Variants in NRG3 observed in about 807,000 individuals in gnomAD.
The protein encoded by NRG3 is neuregulin 3.
Under a neutral mutation model 66.9 loss-of-function variants are expected in NRG3, and 31 were observed. The observed-to-expected ratio is 0.46, with a 90% CI of 0.35 to 0.63. The LOEUF (loss-of-function observed/expected upper bound fraction) is 0.63. Ranked by LOEUF, NRG3 falls within the 20% of genes least tolerant of loss-of-function variation. The pLI is 0.00. For missense variants in NRG3, 910 were observed against 878.9 expected (o/e 1.04, Z -0.45); for synonymous variants, 393 against 359.4 (o/e 1.09, Z -1.06).
chr10:82,521,635 G>A (rs146847273), intron 2 of NRG3, among the ~76,000 whole-genome samples: 1,563 of 152,144 alleles, frequency 0.01, 29 homozygotes, highest in African/African-American at 0.035. Flanking sequence ...CACCGTGCCC[G>A]GCCAGACTGT....
chr10:82,299,091 A>G (rs559872008), intron 1 of NRG3, among the ~76,000 whole-genome samples: 4 of 152,252 alleles, frequency 2.6e-5, no homozygotes, highest in East Asian at 3.9e-4. Context: ...CACCCCACCC[A>G]CCATGGAGAT....
chr10:82,668,465 C>A (rs1482618566), intron 2 of NRG3, among the ~76,000 whole-genome samples: 1 of 152,146 alleles, frequency 6.6e-6, no homozygotes. Flanking sequence ...CCTGCATATT[C>A]CCCTATGAGT....
intron 2 of NRG3, among the ~76,000 whole-genome samples, chr10:82,466,374 C>T (rs1840678093): frequency 2.6e-5 from 4 of 152,136 alleles, no homozygotes; most frequent in African/African-American, 7.2e-5. Flanking sequence ...AATGCCCTAA[C>T]CCCCTTCTTT....
chr10:82,433,095 T>TCCTATTTC (rs1421121043), intron 2 of NRG3, among the ~76,000 whole-genome samples: 1 of 152,192 alleles, frequency 6.6e-6, no homozygotes, highest in Admixed American at 6.5e-5. Flanking sequence ...GTAAAAGCGT[T>TCCTATTTC]CCTATTTCCT....
chr10:82,467,603 GC>G (rs1840811559), intron 2 of NRG3, among the ~76,000 whole-genome samples: 1 of 152,166 alleles, frequency 6.6e-6, no homozygotes, highest in Non-Finnish European at 1.5e-5. Flanking sequence ...ACACCAAGGG[GC>G]CCCAGGACCC....
At chr10:81,944,948 C>T (rs376018804) in intron 1 of NRG3, among the ~76,000 whole-genome samples, 131 of 152,214 alleles carry the variant, frequency 8.6e-4, no homozygotes, top group African/African-American at 2.8e-3. Flanking sequence ...CCACCACTTC[C>T]CAGCACCAAC....
At chr10:82,203,348 C>T (rs540869910) in intron 1 of NRG3, among the ~76,000 whole-genome samples, 3 of 152,096 alleles carry the variant, frequency 2.0e-5, no homozygotes, top group East Asian at 1.9e-4. Context: ...GCATCAAACA[C>T]GCCTCCTAGT....
intron 3 of NRG3, among the ~76,000 whole-genome samples, chr10:82,759,328 C>T (rs2059210632): frequency 6.6e-6 from 1 of 151,988 alleles, no homozygotes; most frequent in African/African-American, 2.4e-5. Flanking sequence ...ACCTTCCAGT[C>T]ACCAGAATTG....
chr10:82,408,686 T>G (rs974008382), intron 2 of NRG3, among the ~76,000 whole-genome samples: 9 of 150,328 alleles, frequency 6.0e-5, no homozygotes, highest in African/African-American at 1.7e-4. Context: ...TCTGTGATTT[T>G]CCTCAGTGGC....
At chr10:82,011,439 G>A (rs1402778055) in intron 1 of NRG3, among the ~76,000 whole-genome samples, 1 of 151,958 alleles carries the variant, frequency 6.6e-6, no homozygotes, top group Non-Finnish European at 1.5e-5. Flanking sequence ...TTCCACCCCC[G>A]GCCCCTCTCA....
chr10:82,483,640 A>AT (rs1486315720), intron 2 of NRG3, among the ~76,000 whole-genome samples: 1 of 152,140 alleles, frequency 6.6e-6, no homozygotes, highest in Non-Finnish European at 1.5e-5. Flanking sequence ...GCCAGGCCCT[A>AT]TTCCCCTTTT....
intron 3 of NRG3, among the ~76,000 whole-genome samples, chr10:82,784,522 A>G (rs1296261138): frequency 6.6e-6 from 1 of 152,106 alleles, no homozygotes. Flanking sequence ...AAAACAAACA[A>G]CCCCATCAAA....
intron 1 of NRG3, among the ~76,000 whole-genome samples, chr10:82,147,432 G>A (rs1190170411): frequency 6.6e-6 from 1 of 152,136 alleles, no homozygotes. Flanking sequence ...CCTTAGTTCA[G>A]CATCTTTAAA....
intron 1 of NRG3, among the ~76,000 whole-genome samples, chr10:82,287,225 G>A (rs2079468395): frequency 6.6e-6 from 1 of 152,010 alleles, no homozygotes; most frequent in African/African-American, 2.4e-5. Context: ...CGGTGATACT[G>A]AGTAAGTTCT....
In NRG3 at chr10:82,442,784, A is replaced by ATTT. The variant is rs61261285; in HGVS notation, c.953+83945_953+83947dup. Among the ~76,000 whole-genome samples the ATTT allele has an allele frequency of 1.2e-3, 63 of 54,274 alleles. 6 individuals carry two copies. Among genetic ancestry groups the ATTT allele is most frequent in the African/African-American group, 3.1e-3 (34 of 11,008 alleles). The allele number at this position is 54,274 out of a possible 152,430, so 35.6% of individuals were successfully genotyped here. The stretch of plus-strand genomic sequence containing the variant: ...CACCAAAGATCTTATTTCTGTGTGG[A>ATTT]TTTTTTTTTTTTTTTTTTTTTTTTT... On this transcript the variant is annotated intron_variant, in intron 2 of 8. Transcript: ENST00000372141.
At chr10:82,758,123 G>C (rs550528913) in intron 3 of NRG3, among the ~76,000 whole-genome samples, 5 of 152,174 alleles carry the variant, frequency 3.3e-5, no homozygotes, top group African/African-American at 9.6e-5. Context: ...AAGAGAGATT[G>C]CTGAAGGTTA....
chr10:82,606,383 T>G (rs1349814621), intron 2 of NRG3, among the ~76,000 whole-genome samples: 3 of 152,194 alleles, frequency 2.0e-5, no homozygotes, highest in African/African-American at 7.2e-5. Flanking sequence ...GAGAGAATAC[T>G]TCACATGATT....
chr10:82,521,551 A>T (rs1025168734), intron 2 of NRG3, among the ~76,000 whole-genome samples: 1 of 152,096 alleles, frequency 6.6e-6, no homozygotes, highest in East Asian at 1.9e-4. Flanking sequence ...CGTGTTAGCC[A>T]GGATGGTCTC....
intron 1 of NRG3, among the ~76,000 whole-genome samples, chr10:82,185,044 T>C (rs2073712387): frequency 1.3e-5 from 2 of 152,140 alleles, no homozygotes; most frequent in South Asian, 4.1e-4. Flanking sequence ...TATGACCGTT[T>C]GGGAGAGATC....
Sources: gnomAD v4.1 joint callset for allele counts (sites outside exome capture counted in the v4.1 genomes callset) on GRCh38, gnomAD v4.1.1 for gene constraint, MANE v1.5 for transcripts, NCBI Gene and HGNC (gene_info 2026-07-23, HGNC 2026-07-21) for gene names.